Variants in MERTK observed in about 807,000 individuals in gnomAD.
MERTK encodes MER proto-oncogene, tyrosine kinase, also known as tyrosine-protein kinase Mer.
In MERTK, 69 loss-of-function variants were observed where a neutral mutation model predicts 99.3. The observed-to-expected ratio is 0.70, with a 90% CI of 0.57 to 0.85. MERTK has a LOEUF of 0.85. Among genes scored for constraint, MERTK ranks in the 40% least tolerant of loss-of-function variants. The pLI, the probability that MERTK is intolerant of heterozygous loss-of-function variation, is 0.00. For synonymous variants in MERTK, 426 were observed against 467.6 expected (o/e 0.91, Z 1.15); for missense variants, 1,125 against 1,249.4 (o/e 0.90, Z 1.50).
chr2:111,977,306 T>G (rs1676272883), intron 7 of MERTK, among the ~76,000 whole-genome samples: 1 of 152,194 alleles, frequency 6.6e-6, no homozygotes, highest in Non-Finnish European at 1.5e-5. Context: ...GAAAGGTATT[T>G]TTATGAGGTA....
chr2:111,972,585 C>T (rs890399758), intron 6 of MERTK, among the ~76,000 whole-genome samples: 25 of 152,172 alleles, frequency 1.6e-4, no homozygotes, highest in Non-Finnish European at 2.9e-4. Flanking sequence ...CCAGTGTTTT[C>T]TTGCCCACCT....
intron 16 of MERTK, chr2:112,020,456 T>A: frequency 2.6e-6 from 1 of 386,534 alleles, no homozygotes; most frequent in South Asian, 2.0e-5. Flanking sequence ...GTTAGTCACC[T>A]TCCCCAGACT....
At chr2:112,012,220 A>G (rs1405157549) in intron 15 of MERTK, among the ~76,000 whole-genome samples, 1 of 151,774 alleles carries the variant, frequency 6.6e-6, no homozygotes, top group Non-Finnish European at 1.5e-5. Flanking sequence ...AGAAATGTGC[A>G]TTCCCTTCCC....
At chr2:111,994,479 G>A (rs1213532342) in intron 9 of MERTK, 75 bp downstream of exon 9, 2 of 1,572,128 alleles carry the variant, frequency 1.3e-6, no homozygotes, top group African/African-American at 2.7e-5. Context: ...AAAGTAACCT[G>A]GGGGATGGAT....
chr2:111,916,189 C>G (rs954252230), intron 1 of MERTK, among the ~76,000 whole-genome samples: 4 of 152,078 alleles, frequency 2.6e-5, no homozygotes, highest in African/African-American at 9.7e-5. Context: ...TCTGATGGCA[C>G]CATCTTGGCT....
At chr2:111,950,800 A>G (rs1286663544) in intron 4 of MERTK, among the ~76,000 whole-genome samples, 3 of 152,202 alleles carry the variant, frequency 2.0e-5, no homozygotes, top group African/African-American at 7.2e-5. Flanking sequence ...TGTTTACACA[A>G]AAATACCTGC....
chr2:111,994,384 A>G lies in MERTK; in HGVS notation c.1430A>G (p.Lys477Arg). 6.2e-7 allele frequency: 1 copy of G among 1,614,178 alleles called. No homozygotes were observed. Among genetic ancestry groups the G allele is most frequent in the Non-Finnish European group, 8.5e-7 (1 of 1,180,046 alleles). Residue 477 changes from lysine (K) to arginine (R), a missense_variant, in exon 9 of 19, where the codon AAA (lysine) becomes AGA (arginine). Transcript: ENST00000295408. ...GGVGPFSDPV[K>R]IFIPAHGWVD... is the part of the protein sequence containing the mutation. ...GTTGGGCCCTTCAGTGATCCAGTGA[A>G]AATATTTATCCCTGCACACGGTGAG...
chr2:111,914,368 C>G (rs1243417194), intron 1 of MERTK, among the ~76,000 whole-genome samples: 3 of 152,128 alleles, frequency 2.0e-5, no homozygotes. Flanking sequence ...AGCTCTGCCT[C>G]CCGGGTTCAT....
At chr2:111,954,823 G>A (rs903549316) in intron 4 of MERTK, among the ~76,000 whole-genome samples, 1 of 152,200 alleles carries the variant, frequency 6.6e-6, no homozygotes, top group Non-Finnish European at 1.5e-5. Context: ...TGGGCTCACA[G>A]GGGTTACTCT....
chr2:112,028,724 AAC>A lies in MERTK; in HGVS notation c.2862_2863del (p.Asn954LysfsTer10), dbSNP rs1490372118. 1 of 1,614,182 alleles carries A rather than the reference AAC, an allele frequency of 6.2e-7. No individual in the cohort carries two copies. Among genetic ancestry groups the A allele is most frequent in the East Asian group, 2.2e-5 (1 of 44,884 alleles). On this transcript the variant is annotated frameshift_variant, in exon 19 of 19. Transcript: ENST00000295408. LOFTEE classifies it low-confidence loss of function (END_TRUNC). Reference protein sequence around the residue: ...APSAAVTAEKNSVLPGERLVR... With the variant: ...APSAAVTAEKXSVLPGERLVR... The stretch of plus-strand genomic sequence containing the variant: ...CTCTGCTGCAGTCACAGCTGAAAAG[AAC>A]AGTGTTTTACCGGGGGAGAGACTTG...
chr2:112,015,239 T>C (rs930207563), intron 15 of MERTK, among the ~76,000 whole-genome samples: 1 of 152,236 alleles, frequency 6.6e-6, no homozygotes, highest in Non-Finnish European at 1.5e-5. Context: ...TATTTAACCT[T>C]ATAAGAACTG....
At chr2:111,905,070 C>A (rs190091416) in intron 1 of MERTK, among the ~76,000 whole-genome samples, 1 of 152,240 alleles carries the variant, frequency 6.6e-6, no homozygotes, top group Non-Finnish European at 1.5e-5. Context: ...GATCAGCAGG[C>A]CCCTTTTGGA....
At chr2:111,944,533 A>ATTCCTTAAAATAATTCCTCTGTTTCAAG (rs1265922025) in intron 2 of MERTK, among the ~76,000 whole-genome samples, 1 of 151,258 alleles carries the variant, frequency 6.6e-6, no homozygotes, top group Non-Finnish European at 1.5e-5. Context: ...TTAAGGAATT[A>ATTCCTTAAAATAATTCCTCTGTTTCAAG]GCTCACACAC....
chr2:112,008,770 A>T (rs1677038660), intron 14 of MERTK: 1 of 479,230 alleles, frequency 2.1e-6, no homozygotes, highest in African/African-American at 2.0e-5. Flanking sequence ...CAAGACACAG[A>T]GGTGGTTGTG....
In MERTK at chr2:111,947,543, T is replaced by C. The variant is rs1243234874; in HGVS notation, c.733T>C (p.Ser245Pro). 1.6e-5 allele frequency: 26 copies of C among 1,613,836 alleles called. No individual in the cohort carries two copies. The highest frequency in any genetic ancestry group is 2.1e-5 in the Non-Finnish European group (25 of 1,180,022). ...CCGTGTTAACGAACAGCCTGAAAAA[T>C]CCCCCTCCGTGCTAACTGTTCCAGG... Reference protein sequence around the residue: ...SSRVNEQPEKSPSVLTVPGLT... With the variant: ...SSRVNEQPEKPPSVLTVPGLT... The change falls in exon 4 of 19, where the codon TCC becomes CCC. Residue 245 changes from serine to proline, a missense_variant. By Grantham distance (74) the Ser-to-Pro change is moderately conservative. Transcript: ENST00000295408.
chr2:111,924,864 T>A (rs549852106), intron 1 of MERTK, among the ~76,000 whole-genome samples: 4 of 152,288 alleles, frequency 2.6e-5, no homozygotes, highest in African/African-American at 7.2e-5. Flanking sequence ...ATCCATCCTT[T>A]ACTCACTCAT....
chr2:111,911,449 C>T (rs1046358855), intron 1 of MERTK, among the ~76,000 whole-genome samples: 7 of 150,800 alleles, frequency 4.6e-5, no homozygotes, highest in Admixed American at 6.6e-5. Context: ...AGTGCAATGG[C>T]GCTATCTCAG....
chr2:111,942,576 C>G (rs541146613), intron 2 of MERTK, among the ~76,000 whole-genome samples: 2 of 152,328 alleles, frequency 1.3e-5, no homozygotes, highest in South Asian at 4.1e-4. Context: ...CTGGTAACCT[C>G]TAAGCATTGT....
Position 112,021,540 on chromosome 2 carries a change from G to A in MERTK, c.2308G>A (p.Glu770Lys). 1 of 1,558,816 alleles carries A rather than the reference G, an allele frequency of 6.4e-7. No individual in the cohort carries two copies. The highest frequency in any genetic ancestry group is 2.4e-5 in the East Asian group (1 of 41,572). Residue 770 changes from glutamate to lysine, a missense_variant, in exon 17 of 19, where the codon GAA (glutamate) becomes AAA (lysine). Transcript: ENST00000295408. ...GATGCCTGTTAAATGGATCGCCATAGAAAGTCTTGCAGACCGAGTCTACAC... is the reference window on the plus strand; with the variant it reads ...GATGCCTGTTAAATGGATCGCCATAAAAAGTCTTGCAGACCGAGTCTACAC... ...AKMPVKWIAIESLADRVYTSK... is the reference protein window; with the variant it reads ...AKMPVKWIAIKSLADRVYTSK...
Sources: gnomAD v4.1 joint callset for allele counts (sites outside exome capture counted in the v4.1 genomes callset) on GRCh38, gnomAD v4.1.1 for gene constraint, MANE v1.5 for transcripts, NCBI Gene and HGNC (gene_info 2026-07-23, HGNC 2026-07-21) for gene names.